The following NSL1 variants were observed in gnomAD, a reference collection of about 807,000 sequenced individuals.
NSL1 encodes the protein NSL1 component of MIS12 kinetochore complex.
In NSL1, 11 loss-of-function variants were observed where a neutral mutation model predicts 25.4. The ratio of observed to expected loss-of-function variants is 0.43; its 90% confidence interval spans 0.27 to 0.72. NSL1 has a LOEUF of 0.72. NSL1 is among the 30% of genes least tolerant of loss of function. The pLI is 0.19. For missense variants in NSL1, 330 were observed against 342.7 expected (o/e 0.96, Z 0.29); for synonymous variants, 118 against 120.6 (o/e 0.98, Z 0.14).
Position 212,786,343 on chromosome 1 carries a change from T to A in NSL1, c.313+1216A>T, listed in dbSNP as rs551741445. 2.0e-5 allele frequency among the ~76,000 whole-genome samples: 3 copies of A among 152,066 alleles called. No homozygotes were observed. In the East Asian group the frequency reaches 5.8e-4, roughly 29 times the overall value. On this transcript the variant is annotated intron_variant, in intron 2 of 5. Coordinates refer to ENST00000366977, the MANE Select transcript of NSL1 (RefSeq NM_015471.4). ...AATTATTTATATAAGCAGCCCTCCC[T>A]AAATTTTCATTTATCCATTAAAAAA...
chr1:212,744,953 T>C (rs1558041608), intron 4 of NSL1, among the ~76,000 whole-genome samples: 1 of 151,880 alleles, frequency 6.6e-6, no homozygotes, highest in Non-Finnish European at 1.5e-5. Flanking sequence ...AGCCTGGCCA[T>C]GGTGAAACCC....
At chr1:212,768,069 C>T (rs1351479393) in intron 4 of NSL1, among the ~76,000 whole-genome samples, 1 of 152,154 alleles carries the variant, frequency 6.6e-6, no homozygotes, top group African/African-American at 2.4e-5. Flanking sequence ...CCTGTAATCC[C>T]AGCACTTTGG....
chr1:212,780,306 C>T (rs924075551), intron 4 of NSL1, among the ~76,000 whole-genome samples: 2 of 151,968 alleles, frequency 1.3e-5, no homozygotes, highest in Non-Finnish European at 2.9e-5. Context: ...TTGAAGGCAG[C>T]GTGCTCGTTG....
At chr1:212,790,088 A>C (rs1328152504) in intron 1 of NSL1, among the ~76,000 whole-genome samples, 5 of 151,820 alleles carry the variant, frequency 3.3e-5, no homozygotes, top group Non-Finnish European at 7.4e-5. Context: ...ATCTGGGCTC[A>C]CTGCAAGCTC....
At chr1:212,770,761 A>AT (rs1342264321) in intron 4 of NSL1, among the ~76,000 whole-genome samples, 1 of 152,218 alleles carries the variant, frequency 6.6e-6, no homozygotes, top group East Asian at 1.9e-4. Context: ...CTACAGGCCA[A>AT]TATCCCTGAT....
Position 212,726,926 on chromosome 1 carries a change from C to T in NSL1, c.*11482G>A. ...CTGATGGACACCAGCACAGCACGGA[C>T]TTTCCCGTCCTGTCTCTTCATGGTG... On this transcript the variant is annotated 3_prime_UTR_variant, in exon 6 of 6. Transcript: ENST00000366977. 2.2e-6 allele frequency: 1 copy of T among 460,046 alleles called. No individual in the cohort carries two copies. The highest frequency in any genetic ancestry group is 3.8e-6 in the Non-Finnish European group (1 of 265,508). 28.5% of individuals were successfully genotyped at this position (460,046 alleles called of 1,614,324 possible).
Position 212,745,160 on chromosome 1 carries a change from CTAT to C in NSL1, c.500-5562_500-5560del, listed in dbSNP as rs1442233143. 7.5e-3 allele frequency among the ~76,000 whole-genome samples: 880 copies of C among 116,620 alleles called. 5 individuals carry two copies. Among genetic ancestry groups the C allele is most frequent in the East Asian group, 0.023 (83 of 3,640 alleles). 76.5% of individuals were successfully genotyped at this position (116,620 alleles called of 152,430 possible). A position where few individuals can be genotyped will look rare whatever the true frequency, so the allele number is the denominator to read the frequency against. ...CAAAACAAACAAACAAACAAACAAACTATATATATATATATATATATATATATA... is the reference window on the plus strand; with the variant it reads ...CAAAACAAACAAACAAACAAACAAACATATATATATATATATATATATATA... On this transcript the variant is annotated intron_variant, in intron 4 of 5. Coordinates refer to ENST00000366977, the MANE Select transcript of NSL1 (RefSeq NM_015471.4).
intron 4 of NSL1, among the ~76,000 whole-genome samples, chr1:212,761,353 C>T (rs1485314731): frequency 6.6e-6 from 1 of 152,130 alleles, no homozygotes; most frequent in Admixed American, 6.5e-5. Flanking sequence ...AGTTCGAGAC[C>T]AGCCTGGGCA....
Position 212,732,730 on chromosome 1 carries a change from T to C in NSL1, c.*5678A>G. 2.3e-6 allele frequency: 2 copies of C among 869,106 alleles called. No homozygotes were observed. Among genetic ancestry groups the C allele is most frequent in the Non-Finnish European group, 2.8e-6 (2 of 723,580 alleles). 53.8% of individuals were successfully genotyped at this position (869,106 alleles called of 1,614,324 possible). A position where few individuals can be genotyped will look rare whatever the true frequency, so the allele number is the denominator to read the frequency against. On this transcript the variant is annotated 3_prime_UTR_variant, in exon 6 of 6. Transcript: ENST00000366977. ...TGGCTGCTGCTTTTTTGGTTTACCCTTTGGAATAGAGCACAGCCCCTGGTA... is the reference window on the plus strand; with the variant it reads ...TGGCTGCTGCTTTTTTGGTTTACCCCTTGGAATAGAGCACAGCCCCTGGTA...
Position 212,736,764 on chromosome 1 carries a change from C to T in NSL1, c.*1644G>A. The T allele has an allele frequency of 3.0e-6, 3 of 984,728 alleles. No individual in the cohort carries two copies. The highest frequency in any genetic ancestry group is 3.6e-6 in the Non-Finnish European group (3 of 829,338). 61.0% of individuals were successfully genotyped at this position (984,728 alleles called of 1,614,324 possible). A position where few individuals can be genotyped will look rare whatever the true frequency, so the allele number is the denominator to read the frequency against. On this transcript the variant is annotated 3_prime_UTR_variant, in exon 6 of 6. Transcript: ENST00000366977. ...AGTCATTACACAGATTCAACATTAACAGGATTTTTGTCACATTTCCTTAAT... is the reference window on the plus strand; with the variant it reads ...AGTCATTACACAGATTCAACATTAATAGGATTTTTGTCACATTTCCTTAAT...
At chr1:212,745,731 A>G (rs2174781) in intron 4 of NSL1, among the ~76,000 whole-genome samples, 34,504 of 152,036 alleles carry the variant, frequency 0.23, 4,633 homozygotes, top group African/African-American at 0.38. Context: ...GGGAGGCTGA[A>G]GTGGGCAGAT....
In NSL1 at chr1:212,732,132, CT is replaced by C; in HGVS notation, c.*6275del. On this transcript the variant is annotated 3_prime_UTR_variant, in exon 6 of 6. Coordinates refer to ENST00000366977, the MANE Select transcript of NSL1 (RefSeq NM_015471.4). ...CTAATTTGTAACCATGATTACATTTCTTTTTTTGTACAGCTTTCTGCCTCTA... is the reference window on the plus strand; with the variant it reads ...CTAATTTGTAACCATGATTACATTTCTTTTTTGTACAGCTTTCTGCCTCTA... 1.0e-6 allele frequency: 1 copy of C among 980,376 alleles called. No individual in the cohort carries two copies. Among genetic ancestry groups the C allele is most frequent in the Non-Finnish European group, 1.2e-6 (1 of 828,456 alleles). 60.7% of individuals were successfully genotyped at this position (980,376 alleles called of 1,614,324 possible).
At chr1:212,777,668 C>T (rs1388983694) in intron 4 of NSL1, among the ~76,000 whole-genome samples, 1 of 152,172 alleles carries the variant, frequency 6.6e-6, no homozygotes, top group East Asian at 1.9e-4. Flanking sequence ...CTTGAGGATC[C>T]TGGTTATACT....
Position 212,738,381 on chromosome 1 carries a change from T to G in NSL1, c.*27A>C, listed in dbSNP as rs1292818115. On this transcript the variant is annotated 3_prime_UTR_variant, in exon 6 of 6. Coordinates refer to ENST00000366977, the MANE Select transcript of NSL1 (RefSeq NM_015471.4). ...ATCTAAATGTTGATGGTGCCTATTT[T>G]CAACTCCCAAAATAAACAGAAAGAG... The G allele has an allele frequency of 6.3e-7, 1 of 1,583,788 alleles. No individual in the cohort carries two copies. Among genetic ancestry groups the G allele is most frequent in the Non-Finnish European group, 8.6e-7 (1 of 1,166,978 alleles).
chr1:212,747,447 G>A (rs1226975181), intron 4 of NSL1, among the ~76,000 whole-genome samples: 1 of 152,180 alleles, frequency 6.6e-6, no homozygotes, highest in Non-Finnish European at 1.5e-5. Flanking sequence ...GGGCTGTACT[G>A]CCAACAACTA....
intron 4 of NSL1, among the ~76,000 whole-genome samples, chr1:212,774,377 T>G (rs1239459353): frequency 6.6e-6 from 1 of 152,136 alleles, no homozygotes; most frequent in African/African-American, 2.4e-5. Context: ...ACAAATATTA[T>G]GTACCAATTT....
At chr1:212,750,208 C>T (rs1400697056) in intron 4 of NSL1, among the ~76,000 whole-genome samples, 2 of 151,470 alleles carry the variant, frequency 1.3e-5, no homozygotes, top group Non-Finnish European at 2.9e-5. Flanking sequence ...CATGGAGGCA[C>T]AAAGGAGGGT....
Position 212,729,035 on chromosome 1 carries a change from A to G in NSL1, c.*9373T>C. ...CATTTGTCAATCTGAAATTTTTTTTAAAGGAAGAATACTTGGGTTGGGCTT... is the reference window on the plus strand; with the variant it reads ...CATTTGTCAATCTGAAATTTTTTTTGAAGGAAGAATACTTGGGTTGGGCTT... On this transcript the variant is annotated 3_prime_UTR_variant, in exon 6 of 6. Transcript: ENST00000366977. 2.0e-6 allele frequency: 2 copies of G among 985,394 alleles called. No individual in the cohort carries two copies. Among genetic ancestry groups the G allele is most frequent in the Non-Finnish European group, 2.4e-6 (2 of 829,876 alleles). 61.0% of individuals were successfully genotyped at this position (985,394 alleles called of 1,614,324 possible).
In NSL1 at chr1:212,760,079, G is replaced by T. The variant is rs961173135; in HGVS notation, c.500-20478C>A. On this transcript the variant is annotated intron_variant, in intron 4 of 5. Transcript: ENST00000366977. This position sits in a 1 kb window ranked among gnomAD's most constrained non-coding sequence, Gnocchi z 4.3. ...CAGACCACCAAGACAACAGACCATC[G>T]CCAGTGCCCAATCATACTGTCCAGG... 2.0e-5 allele frequency among the ~76,000 whole-genome samples: 3 copies of T among 151,340 alleles called. No homozygotes were observed. The highest frequency in any genetic ancestry group is 7.3e-5 in the African/African-American group (3 of 41,136).
Sources: gnomAD v4.1 joint callset for allele counts (sites outside exome capture counted in the v4.1 genomes callset) on GRCh38, gnomAD v4.1.1 for gene constraint, Gnocchi (gnomAD v3.1) non-coding constraint, MANE v1.5 for transcripts, NCBI Gene and HGNC (gene_info 2026-07-23, HGNC 2026-07-21) for gene names.